The following DIAPH3 variants were observed in gnomAD, a reference collection of about 807,000 sequenced individuals.
DIAPH3 encodes protein diaphanous homolog 3.
In DIAPH3, 117 loss-of-function variants were observed where a neutral mutation model predicts 144.3. The ratio of observed to expected loss-of-function variants is 0.81; its 90% CI spans 0.70 to 0.95. DIAPH3 has a LOEUF of 0.95. DIAPH3 is among the 40% of genes least tolerant of loss of function. The pLI is 0.00. For synonymous variants in DIAPH3, 519 were observed against 488.9 expected (o/e 1.06, Z -0.81); for missense variants, 1,421 against 1,412.7 (o/e 1.01, Z -0.09).
chr13:59,886,329 T>C (rs999130699), intron 20 of DIAPH3, among the ~76,000 whole-genome samples: 1 of 152,142 alleles, frequency 6.6e-6, no homozygotes, highest in African/African-American at 2.4e-5. Flanking sequence ...GGTCTATTTC[T>C]AACCTTCTAG....
At chr13:59,818,409 C>T (rs1298348099) in intron 24 of DIAPH3, among the ~76,000 whole-genome samples, 5 of 151,864 alleles carry the variant, frequency 3.3e-5, no homozygotes. Context: ...TCTCTTCAGC[C>T]TTCCATTTTT....
At chr13:59,813,697 T>C (rs1050444279) in intron 24 of DIAPH3, among the ~76,000 whole-genome samples, 6 of 151,628 alleles carry the variant, frequency 4.0e-5, no homozygotes, top group Non-Finnish European at 5.9e-5. Flanking sequence ...CTACTAAAAA[T>C]ACAAAAATTA....
chr13:59,994,099 G>A (rs570461043), intron 9 of DIAPH3, among the ~76,000 whole-genome samples: 4 of 151,516 alleles, frequency 2.6e-5, no homozygotes, highest in South Asian at 2.1e-4. Flanking sequence ...AATTATTTCC[G>A]GGAACTATTC....
At chr13:60,126,413 TAAA>T (rs1042862055) in intron 2 of DIAPH3, among the ~76,000 whole-genome samples, 14 of 152,252 alleles carry the variant, frequency 9.2e-5, no homozygotes, top group African/African-American at 3.4e-4. Context: ...TTATTAAAGA[TAAA>T]GAAGTCACAA....
intron 4 of DIAPH3, among the ~76,000 whole-genome samples, chr13:60,075,904 T>C (rs151285370): frequency 1.7e-3 from 261 of 152,352 alleles, no homozygotes; most frequent in African/African-American, 5.8e-3. Flanking sequence ...GGAATGCATA[T>C]GTGCATTACT....
chr13:59,883,221 CCAGGAAGATGTAATCTCTCA>C (rs1332064733), intron 20 of DIAPH3, among the ~76,000 whole-genome samples: 5 of 152,028 alleles, frequency 3.3e-5, no homozygotes, highest in African/African-American at 1.2e-4. Context: ...AGAAAGGTCC[CCAGGAAGATGTAATCTCTCA>C]AAATCTCATT....
Position 59,697,459 on chromosome 13 carries a change from C to CAAAAAAAAAAAAAAAA in DIAPH3, c.3320-30629_3320-30614dup, listed in dbSNP as rs58372882. Among the ~76,000 whole-genome samples the CAAAAAAAAAAAAAAAA allele has an allele frequency of 1.9e-4, 6 of 31,190 alleles. 1 individual carries two copies. The highest frequency in any genetic ancestry group is 2.4e-4 in the African/African-American group (2 of 8,344). 20.5% of individuals were successfully genotyped at this position (31,190 alleles called of 152,430 possible). ...TGGGCGACAGAGCGAGACACTGTCT[C>CAAAAAAAAAAAAAAAA]AAAAAAAAAAAAAAAAAAAAAAAAA... On this transcript the variant is annotated intron_variant, in intron 27 of 27. Coordinates refer to ENST00000400324, the MANE Select transcript of DIAPH3 (RefSeq NM_001042517.2).
chr13:59,951,273 T>C (rs936033715), intron 17 of DIAPH3, among the ~76,000 whole-genome samples: 2 of 152,082 alleles, frequency 1.3e-5, no homozygotes, highest in African/African-American at 4.8e-5. Context: ...ATAAAAGGCA[T>C]TTTCCCCACT....
intron 27 of DIAPH3, among the ~76,000 whole-genome samples, chr13:59,735,732 A>G (rs1170343468): frequency 6.6e-6 from 1 of 152,160 alleles, no homozygotes; most frequent in Non-Finnish European, 1.5e-5. Flanking sequence ...AAGAGACTGA[A>G]TTTGAATTCA....
intron 24 of DIAPH3, among the ~76,000 whole-genome samples, chr13:59,818,603 T>C (rs1457656617): frequency 2.0e-5 from 3 of 151,976 alleles, no homozygotes; most frequent in African/African-American, 7.2e-5. Flanking sequence ...ATCTGGAAAA[T>C]TCTAAGCCAC....
At chr13:59,695,664 C>G (rs2033761135) in intron 27 of DIAPH3, among the ~76,000 whole-genome samples, 1 of 152,124 alleles carries the variant, frequency 6.6e-6, no homozygotes, top group African/African-American at 2.4e-5. Context: ...TACAACCAAG[C>G]TGGATTAATG....
chr13:59,965,539 TAAA>T (rs34273562), intron 17 of DIAPH3, among the ~76,000 whole-genome samples: 92,086 of 145,212 alleles, frequency 0.63, 29,340 homozygotes, highest in African/African-American at 0.73. Flanking sequence ...TCCAATCTGG[TAAA>T]AAAAAAAAAA....
intron 27 of DIAPH3, among the ~76,000 whole-genome samples, chr13:59,748,213 A>G (rs2036800548): frequency 6.6e-6 from 1 of 152,204 alleles, no homozygotes; most frequent in Non-Finnish European, 1.5e-5. Context: ...TCCTCAACCT[A>G]CATTCCAGTT....
chr13:60,005,402 T>C (rs2052794195), intron 9 of DIAPH3, among the ~76,000 whole-genome samples: 1 of 152,160 alleles, frequency 6.6e-6, no homozygotes, highest in Non-Finnish European at 1.5e-5. Context: ...TTCTTTTGGG[T>C]GGCAATGAAA....
intron 4 of DIAPH3, among the ~76,000 whole-genome samples, chr13:60,059,803 A>C (rs1191380383): frequency 6.6e-6 from 1 of 152,022 alleles, no homozygotes; most frequent in East Asian, 1.9e-4. Context: ...GATAGAAAAA[A>C]TCCACTGATA....
At chr13:59,928,859 G>T (rs1358214639) in intron 17 of DIAPH3, among the ~76,000 whole-genome samples, 2 of 152,158 alleles carry the variant, frequency 1.3e-5, no homozygotes, top group Non-Finnish European at 2.9e-5. Flanking sequence ...ACTAGTCCTT[G>T]GGCCCCTGGG....
intron 25 of DIAPH3, among the ~76,000 whole-genome samples, chr13:59,778,346 G>A (rs2038535621): frequency 6.6e-6 from 1 of 152,222 alleles, no homozygotes; most frequent in African/African-American, 2.4e-5. Flanking sequence ...CGAGCCCACT[G>A]AGGGCAGGGA....
At chr13:60,102,980 A>G (rs1334666353) in intron 3 of DIAPH3, among the ~76,000 whole-genome samples, 1 of 152,068 alleles carries the variant, frequency 6.6e-6, no homozygotes, top group Non-Finnish European at 1.5e-5. Flanking sequence ...AGGTCAATCA[A>G]GCAACTTTTA....
At chr13:59,750,980 G>C (rs571302789) in intron 27 of DIAPH3, among the ~76,000 whole-genome samples, 1 of 152,244 alleles carries the variant, frequency 6.6e-6, no homozygotes, top group Admixed American at 6.5e-5. Context: ...TAGTGGCACT[G>C]TCAGCACTGT....
Sources: allele counts gnomAD v4.1 joint callset (sites outside exome capture counted in the v4.1 genomes callset), GRCh38; gene constraint gnomAD v4.1.1; transcripts MANE v1.5; gene names NCBI Gene and HGNC (gene_info 2026-07-23, HGNC 2026-07-21).